Variants in OR2AG2 observed in about 807,000 individuals in gnomAD.
The protein encoded by OR2AG2 is olfactory receptor family 2 subfamily AG member 2.
For missense variants in OR2AG2, 390 were observed against 391.9 expected, an observed-to-expected ratio of 1.00 and a Z score of 0.04; for synonymous variants, 167 against 157.1, an observed-to-expected ratio of 1.06 and a Z score of -0.47.
Position 6,768,434 on chromosome 11 carries a change from C to A in OR2AG2, c.524G>T (p.Arg175Met), listed in dbSNP as rs759022098. 3.7e-6 allele frequency: 6 copies of A among 1,614,010 alleles called. No individual in the cohort carries two copies. In the African/African-American group the frequency reaches 8.0e-5, roughly 22 times the overall value. ...HLPFCVSWEI[R>M]HLLCEIPPLL... ...GGGTGGGATCTCACAGAGCAGATGC[C>A]TGATTTCCCAGGACACACAGAAAGG... The change falls in exon 2 of 2, where the codon AGG becomes ATG. Residue 175 changes from arginine to methionine, a missense_variant. Coordinates refer to ENST00000641124, the MANE Select transcript of OR2AG2 (RefSeq NM_001004490.2).
Position 6,768,760 on chromosome 11 carries a change from G to C in OR2AG2, c.198C>G (p.Leu66=), listed in dbSNP as rs767244463. The C allele has an allele frequency of 1.5e-5, 24 of 1,614,048 alleles. No homozygotes were observed. The highest frequency in any genetic ancestry group is 4.0e-5 in the African/African-American group (3 of 74,922). The change falls in exon 2 of 2, where the codon CTC becomes CTG. Residue 66 remains leucine, a synonymous_variant. Coordinates refer to ENST00000641124, the MANE Select transcript of OR2AG2 (RefSeq NM_001004490.2). Reference sequence around the variant, plus strand: ...ATGTGAACAGGAGGTCCATGAGAGAGAGCTGCCCAAGCAGGAGGTACATGG... The same window carrying C: ...ATGTGAACAGGAGGTCCATGAGAGACAGCTGCCCAAGCAGGAGGTACATGG... ...HMPMYLLLGQ[L]SLMDLLFTSV... is the part of the protein sequence containing the mutation.
chr11:6,768,069 C>A lies in OR2AG2; in HGVS notation c.889G>T (p.Val297Phe), dbSNP rs202185618. The A allele has an allele frequency of 3.1e-6, 5 of 1,613,960 alleles. No homozygotes were observed. The East Asian group carries it at 1.1e-4, about 36-fold the overall frequency. ...AGGACCCTCCTCAAGGCCCGCATGA[C>A]CTCCTTATTCCTCAGGCTGTAGATG... ...PLIYSLRNKE[V>F]MRALRRVLGK... The change falls in exon 2 of 2, where the codon GTC becomes TTC. Residue 297 changes from valine to phenylalanine, a missense_variant. Coordinates refer to ENST00000641124, the MANE Select transcript of OR2AG2 (RefSeq NM_001004490.2).
intron 1 of OR2AG2, among the ~76,000 whole-genome samples, chr11:6,771,185 AT>A (rs1337484063): frequency 2.6e-5 from 4 of 152,174 alleles, no homozygotes; most frequent in African/African-American, 9.7e-5. Context: ...CAGTATATTT[AT>A]TTTTTGTATT....
rs766975878 is a variant in OR2AG2, at chr11:6,768,441, C to T, written c.517G>A (p.Glu173Lys). The T allele has an allele frequency of 6.2e-7, 1 of 1,614,126 alleles. No individual in the cohort carries two copies. The highest frequency in any genetic ancestry group is 1.1e-5 in the South Asian group (1 of 91,082). ...TMHLPFCVSW[E>K]IRHLLCEIPP... ...ATCTCACAGAGCAGATGCCTGATTT[C>T]CCAGGACACACAGAAAGGGAGGTGC... is the stretch of plus-strand genomic sequence containing the variant. The change falls in exon 2 of 2, where the codon GAA becomes AAA. Residue 173 changes from glutamate (E) to lysine (K), a missense_variant. Transcript: ENST00000641124.
rs758604985 is a variant in OR2AG2, at chr11:6,768,850, C to T, written c.108G>A (p.Met36Ile). 7 of 1,614,012 alleles carry T rather than the reference C, an allele frequency of 4.3e-6. No individual in the cohort carries two copies. Among genetic ancestry groups the T allele is most frequent in the African/African-American group, 2.7e-5 (2 of 74,900 alleles). ...GCAGACCATTGCTGGTCAGTGCCAA[C>T]ATGTATAGGATTGTAAATGTAGCAT... ...LLYATFTILYMLALTSNGLLL... is the reference protein window; with the variant it reads ...LLYATFTILYILALTSNGLLL... Residue 36 changes from methionine (M) to isoleucine (I), a missense_variant, in exon 2 of 2, where the codon ATG becomes ATA. Transcript: ENST00000641124.
chr11:6,769,176 G>A lies in OR2AG2; in HGVS notation c.-219C>T. ...CTGGTATCAGGTATTTTGACATGTT[G>A]TTAATAGTAATCATTTAGAAATCCC... On this transcript the variant is annotated 5_prime_UTR_variant, in exon 2 of 2. Transcript: ENST00000641124. 2.0e-6 allele frequency: 1 copy of A among 496,322 alleles called. No homozygotes were observed. The allele number at this position is 496,322 out of a possible 1,614,324, so 30.7% of individuals were successfully genotyped here. A position where few individuals can be genotyped will look rare whatever the true frequency, so the allele number is the denominator to read the frequency against.
rs960631378 is a variant in OR2AG2, at chr11:6,768,212, C to A, written c.746G>T (p.Gly249Val). 3 of 1,614,012 alleles carry A rather than the reference C, an allele frequency of 1.9e-6. No individual in the cohort carries two copies. The highest frequency in any genetic ancestry group is 2.5e-6 in the Non-Finnish European group (3 of 1,180,022). Residue 249 changes from glycine to valine, a missense_variant, in exon 2 of 2, where the codon GGG (glycine) becomes GTG (valine). Coordinates refer to ENST00000641124, the MANE Select transcript of OR2AG2 (RefSeq NM_001004490.2). Reference protein sequence around the residue: ...VTCSSHLIVVGMFYGAATFMY... With the variant: ...VTCSSHLIVVVMFYGAATFMY... Reference sequence around the variant, plus strand: ...GAATGTGGCAGCTCCATAGAACATCCCGACCACAATCAGGTGGGAAGAGCA... The same window carrying A: ...GAATGTGGCAGCTCCATAGAACATCACGACCACAATCAGGTGGGAAGAGCA...
In OR2AG2 at chr11:6,766,731, T is replaced by C. The variant is rs1326615009; in HGVS notation, c.*1276A>G. The stretch of plus-strand genomic sequence containing the variant: ...TAGAATAAAAAAAATAAGGCTTATT[T>C]AGGCTAGCTAGAAAGCAAATTATAA... On this transcript the variant is annotated 3_prime_UTR_variant, in exon 2 of 2. Transcript: ENST00000641124. 6.6e-6 allele frequency: 1 copy of C among 152,174 alleles called. No homozygotes were observed. Among genetic ancestry groups the C allele is most frequent in the African/African-American group, 2.4e-5 (1 of 41,444 alleles). 9.4% of individuals were successfully genotyped at this position (152,174 alleles called of 1,614,324 possible).
chr11:6,768,412 T>A lies in OR2AG2; in HGVS notation c.546A>T (p.Pro182=). 1 of 1,614,042 alleles carries A rather than the reference T, an allele frequency of 6.2e-7. No homozygotes were observed. The highest frequency in any genetic ancestry group is 8.5e-7 in the Non-Finnish European group (1 of 1,180,002). ...CAGCACAGGCCAACTTCAGCAAGGG[T>A]GGGATCTCACAGAGCAGATGCCTGA... is the stretch of plus-strand genomic sequence containing the variant. ...WEIRHLLCEI[P]PLLKLACADT... Residue 182 remains proline (P), a synonymous_variant, in exon 2 of 2, where the codon CCA becomes CCT. Coordinates refer to ENST00000641124, the MANE Select transcript of OR2AG2 (RefSeq NM_001004490.2).
chr11:6,769,594 AATAAG>A (rs1847427844), intron 1 of OR2AG2, 100 bp from the exon 2 acceptor site: 1 of 152,222 alleles, frequency 6.6e-6, no homozygotes, highest in Admixed American at 6.5e-5. Flanking sequence ...TTGCTGAGAT[AATAAG>A]ATGTTTTCTC....
chr11:6,769,997 A>C (rs141112176), intron 1 of OR2AG2, among the ~76,000 whole-genome samples: 5 of 152,252 alleles, frequency 3.3e-5, no homozygotes, highest in African/African-American at 1.2e-4. Flanking sequence ...ATAATTCTTG[A>C]TCAAATTATT....
intron 1 of OR2AG2, among the ~76,000 whole-genome samples, chr11:6,770,130 G>C (rs527731263): frequency 2.0e-5 from 3 of 152,076 alleles, no homozygotes; most frequent in African/African-American, 7.2e-5. Context: ...ATTGGAAGGC[G>C]CATCTGATCC....
Position 6,767,718 on chromosome 11 carries a change from C to G in OR2AG2, c.*289G>C, listed in dbSNP as rs1004836875. 3 of 388,588 alleles carry G rather than the reference C, an allele frequency of 7.7e-6. No homozygotes were observed. Among genetic ancestry groups the G allele is most frequent in the African/African-American group, 2.0e-5 (1 of 48,930 alleles). The allele number at this position is 388,588 out of a possible 1,614,324, so 24.1% of individuals were successfully genotyped here. On this transcript the variant is annotated 3_prime_UTR_variant, in exon 2 of 2. Coordinates refer to ENST00000641124, the MANE Select transcript of OR2AG2 (RefSeq NM_001004490.2). The stretch of plus-strand genomic sequence containing the variant: ...TGGTAATGTGTCAGGACGATGCCTA[C>G]CACAGAGTGAGTCTACAACACCCAT...
At chr11:6,770,727 G>C (rs1209060163) in intron 1 of OR2AG2, among the ~76,000 whole-genome samples, 1 of 152,084 alleles carries the variant, frequency 6.6e-6, no homozygotes, top group Non-Finnish European at 1.5e-5. Context: ...CATTTTTCTT[G>C]AATAAAAAGA....
Position 6,768,485 on chromosome 11 carries a change from C to G in OR2AG2, c.473G>C (p.Gly158Ala). The change falls in exon 2 of 2, where the codon GGA becomes GCA. Residue 158 changes from glycine to alanine, a missense_variant. By Grantham distance (60) the Gly-to-Ala change is moderately conservative. Coordinates refer to ENST00000641124, the MANE Select transcript of OR2AG2 (RefSeq NM_001004490.2). ...GAGGTGCATAGTGTACATGGTATGT[C>G]CTATAGCAATCAGGGATGCCAGGAT... is the stretch of plus-strand genomic sequence containing the variant. Reference protein sequence around the residue: ...SWILASLIAIGHTMYTMHLPF... With the variant: ...SWILASLIAIAHTMYTMHLPF... The G allele has an allele frequency of 6.2e-7, 1 of 1,614,036 alleles. No individual in the cohort carries two copies. Among genetic ancestry groups the G allele is most frequent in the Non-Finnish European group, 8.5e-7 (1 of 1,179,988 alleles).
Position 6,768,791 on chromosome 11 carries a change from T to G in OR2AG2, c.167A>C (p.His56Pro), listed in dbSNP as rs754042242. The G allele has an allele frequency of 1.2e-6, 2 of 1,614,114 alleles. No individual in the cohort carries two copies. Among genetic ancestry groups the G allele is most frequent in the East Asian group, 4.5e-5 (2 of 44,866 alleles). ...CCCAAGCAGGAGGTACATGGGCATG[T>G]GGAGCCGGGCTTCTATGGTGATGGC... Reference protein sequence around the residue: ...LLAITIEARLHMPMYLLLGQL... With the variant: ...LLAITIEARLPMPMYLLLGQL... Residue 56 changes from histidine to proline, a missense_variant, in exon 2 of 2, where the codon CAC (histidine) becomes CCC (proline). Physicochemically the swap from His to Pro is moderately conservative, Grantham distance 77 (BLOSUM62 -2). Transcript: ENST00000641124.
chr11:6,768,752 A>G lies in OR2AG2; in HGVS notation c.206T>C (p.Met69Thr). 6.2e-7 allele frequency: 1 copy of G among 1,614,178 alleles called. No individual in the cohort carries two copies. The highest frequency in any genetic ancestry group is 8.5e-7 in the Non-Finnish European group (1 of 1,180,020). ...MYLLLGQLSL[M>T]DLLFTSVVTP... ...GACAACAGATGTGAACAGGAGGTCC[A>G]TGAGAGAGAGCTGCCCAAGCAGGAG... is the stretch of plus-strand genomic sequence containing the variant. The change falls in exon 2 of 2, where the codon ATG becomes ACG. Residue 69 changes from methionine to threonine, a missense_variant. By Grantham distance (81) the Met-to-Thr change is moderately conservative. Coordinates refer to ENST00000641124, the MANE Select transcript of OR2AG2 (RefSeq NM_001004490.2).
In OR2AG2 at chr11:6,765,962, C is replaced by T. The variant is rs909170980; in HGVS notation, c.*2045G>A. On this transcript the variant is annotated 3_prime_UTR_variant, in exon 2 of 2. Coordinates refer to ENST00000641124, the MANE Select transcript of OR2AG2 (RefSeq NM_001004490.2). The stretch of plus-strand genomic sequence containing the variant: ...TCATGTTTTACTACATTAAGACATA[C>T]ATATTTTGTCAATAAAAATAATAAA... 6.6e-6 allele frequency: 1 copy of T among 152,030 alleles called. No individual in the cohort carries two copies. The highest frequency in any genetic ancestry group is 2.4e-5 in the African/African-American group (1 of 41,404). The allele number at this position is 152,030 out of a possible 1,614,324, so 9.4% of individuals were successfully genotyped here. A position where few individuals can be genotyped will look rare whatever the true frequency, so the allele number is the denominator to read the frequency against.
intron 1 of OR2AG2, among the ~76,000 whole-genome samples, chr11:6,771,384 C>T (rs1373874860): frequency 6.6e-6 from 1 of 152,106 alleles, no homozygotes; most frequent in East Asian, 1.9e-4. Flanking sequence ...TACCAGGAGG[C>T]CATCATCAGG....
Sources: allele counts gnomAD v4.1 joint callset (sites outside exome capture counted in the v4.1 genomes callset), GRCh38; gene constraint gnomAD v4.1.1; transcripts MANE v1.5; gene names NCBI Gene and HGNC (gene_info 2026-07-23, HGNC 2026-07-21).